Variants in PRR11 observed in about 807,000 individuals in gnomAD.
The protein encoded by PRR11 is proline-rich protein 11.
Under a neutral mutation model 45.6 loss-of-function variants are expected in PRR11, and 30 were observed. That is an observed-to-expected ratio of 0.66 (90% CI 0.49 to 0.89). The LOEUF (loss-of-function observed/expected upper bound fraction) is 0.89. PRR11 is among the 40% of genes least tolerant of loss of function. The pLI is 0.00. For synonymous variants in PRR11, 128 were observed against 153.5 expected (o/e 0.83, Z 1.23); for missense variants, 373 against 424.8 (o/e 0.88, Z 1.07).
At chr17:59,169,697 T>C (rs974453071) in intron 1 of PRR11, 51 bp from the exon 2 acceptor site, 21 of 1,415,340 alleles carry the variant, frequency 1.5e-5, no homozygotes, top group Non-Finnish European at 2.0e-5. Flanking sequence ...GTGTACTTTC[T>C]ATATGTATAT....
intron 2 of PRR11, among the ~76,000 whole-genome samples, chr17:59,182,285 C>T (rs181237782): frequency 1.5e-4 from 23 of 151,762 alleles, no homozygotes; most frequent in Admixed American, 6.6e-4. Flanking sequence ...GCCTTGGCCT[C>T]CCAAAGTGCT....
chr17:59,181,421 A>AT, intron 2 of PRR11: 1 of 913,704 alleles, frequency 1.1e-6, no homozygotes, highest in Non-Finnish European at 1.6e-6. Flanking sequence ...CTGGGGGCAT[A>AT]TTTTTCCCAT....
chr17:59,195,645 G>GAT (rs2046862423), intron 7 of PRR11, among the ~76,000 whole-genome samples: 1 of 152,140 alleles, frequency 6.6e-6, no homozygotes, highest in African/African-American at 2.4e-5. Flanking sequence ...TATCACTGGA[G>GAT]ATAGCCACTG....
At chr17:59,194,914 C>G (rs1054946842) in intron 6 of PRR11, 59 bp downstream of exon 6, 19 of 1,417,164 alleles carry the variant, frequency 1.3e-5, no homozygotes, top group Non-Finnish European at 1.8e-5. Flanking sequence ...AGGCTCATGC[C>G]TATAATCCCA....
chr17:59,186,702 A>G (rs1257037909), intron 4 of PRR11, among the ~76,000 whole-genome samples: 2 of 152,128 alleles, frequency 1.3e-5, no homozygotes. Context: ...GCTTGTTTGT[A>G]CATTTTTAAA....
chr17:59,201,509 T>C (rs1410783293), intron 9 of PRR11, 54 bp from the exon 10 acceptor site: 75 of 1,555,690 alleles, frequency 4.8e-5, no homozygotes, highest in South Asian at 3.0e-4. Context: ...AGGAGAGTTG[T>C]ACTTATCACA....
chr17:59,168,023 C>G (rs2046688162), intron 1 of PRR11, among the ~76,000 whole-genome samples: 1 of 152,052 alleles, frequency 6.6e-6, no homozygotes, highest in Non-Finnish European at 1.5e-5. Flanking sequence ...TGCTGTGGTT[C>G]AAATGTCTCT....
intron 1 of PRR11, among the ~76,000 whole-genome samples, chr17:59,163,346 A>G (rs1180994756): frequency 1.3e-5 from 2 of 152,156 alleles, no homozygotes; most frequent in African/African-American, 4.8e-5. Context: ...CGGCCTCCCA[A>G]AGTGCTGGGA....
chr17:59,192,336 G>A (rs901209401), intron 4 of PRR11, among the ~76,000 whole-genome samples: 29 of 152,136 alleles, frequency 1.9e-4, no homozygotes, highest in Admixed American at 1.3e-4. Flanking sequence ...CAGACTTTTC[G>A]CCTCAAGCAC....
At chr17:59,196,445 C>T (rs867708576) in intron 7 of PRR11, among the ~76,000 whole-genome samples, 2 of 152,026 alleles carry the variant, frequency 1.3e-5, no homozygotes, top group Non-Finnish European at 2.9e-5. Context: ...GATGCAATAT[C>T]GGCTCACAGC....
chr17:59,195,564 A>G (rs973697928), intron 7 of PRR11, 121 bp downstream of exon 7: 1 of 614,164 alleles, frequency 1.6e-6, no homozygotes, highest in Non-Finnish European at 2.7e-6. Context: ...AAAGTTATAT[A>G]TGCTCATTAT....
chr17:59,165,526 C>G (rs111729438), intron 1 of PRR11, among the ~76,000 whole-genome samples: 3,438 of 152,052 alleles, frequency 0.023, 148 homozygotes, highest in African/African-American at 0.077. Flanking sequence ...GGTGCAGTGG[C>G]TGACGCCTGT....
At chr17:59,156,452 C>T (rs2046624198) in intron 1 of PRR11, among the ~76,000 whole-genome samples, 1 of 151,500 alleles carries the variant, frequency 6.6e-6, no homozygotes, top group Admixed American at 6.6e-5. Context: ...AAGCAAGTAC[C>T]CAGAAATAGT....
At chr17:59,157,516 A>G (rs369477566) in intron 1 of PRR11, among the ~76,000 whole-genome samples, 2 of 152,186 alleles carry the variant, frequency 1.3e-5, no homozygotes, top group South Asian at 2.1e-4. Flanking sequence ...AGCCTGGCCA[A>G]CATGGCAAAA....
chr17:59,174,935 TCCACCTACC>T, intron 2 of PRR11: 1 of 949,664 alleles, frequency 1.1e-6, no homozygotes. Flanking sequence ...CCCCACCTCC[TCCACCTACC>T]CCCACCCCGC....
chr17:59,198,250 G>A (rs1473670593), intron 9 of PRR11, among the ~76,000 whole-genome samples: 1 of 151,914 alleles, frequency 6.6e-6, no homozygotes. Context: ...ATACAGGTAG[G>A]ATTGGCCGGG....
chr17:59,174,074 T>C (rs117629480), intron 2 of PRR11, among the ~76,000 whole-genome samples: 80 of 152,334 alleles, frequency 5.3e-4, no homozygotes, highest in Non-Finnish European at 7.8e-4. Context: ...TGAACCATCG[T>C]GTTCAGCTGT....
chr17:59,169,344 C>T (rs1380396003), intron 1 of PRR11, among the ~76,000 whole-genome samples: 5 of 151,984 alleles, frequency 3.3e-5, no homozygotes, highest in Non-Finnish European at 7.4e-5. Flanking sequence ...GTGATTCACC[C>T]GCCTCGGCCT....
chr17:59,200,226 C>T (rs892360288), intron 9 of PRR11, among the ~76,000 whole-genome samples: 7 of 152,040 alleles, frequency 4.6e-5, no homozygotes, highest in African/African-American at 1.7e-4. Context: ...TTCTTTTTTT[C>T]TTAAACTGTG....
Sources: gnomAD v4.1 joint callset for allele counts (sites outside exome capture counted in the v4.1 genomes callset) on GRCh38, gnomAD v4.1.1 for gene constraint, MANE v1.5 for transcripts, NCBI Gene and HGNC (gene_info 2026-07-23, HGNC 2026-07-21) for gene names.